Variants in MAGI1 observed in about 807,000 individuals in gnomAD.
The protein encoded by MAGI1 is membrane associated guanylate kinase, WW and PDZ domain containing 1, also known as membrane-associated guanylate kinase, WW and PDZ domain-containing protein 1.
In MAGI1, 58 loss-of-function variants were observed where a neutral mutation model predicts 139.9. The observed-to-expected ratio is 0.41, with a 90% CI of 0.34 to 0.52. The LOEUF is 0.52. Among genes scored for constraint, MAGI1 ranks in the 20% least tolerant of loss-of-function variants. The probability of loss-of-function intolerance (pLI) is 0.12; values close to 1 mark genes in which losing one functional copy is unlikely to be tolerated. For missense variants in MAGI1, 1,874 were observed against 1,901.6 expected (o/e 0.99, Z 0.27); for synonymous variants, 812 against 737.9 (o/e 1.10, Z -1.63).
intron 1 of MAGI1, among the ~76,000 whole-genome samples, chr3:65,663,452 C>T (rs1200535832): frequency 6.6e-6 from 1 of 152,098 alleles, no homozygotes; most frequent in Non-Finnish European, 1.5e-5. Flanking sequence ...TGAAATATAG[C>T]ACAATTAACA....
chr3:65,864,648 A>G (rs894920394), intron 1 of MAGI1, among the ~76,000 whole-genome samples: 2 of 152,192 alleles, frequency 1.3e-5, no homozygotes, highest in African/African-American at 4.8e-5. Context: ...TACAGAGAGG[A>G]GAAGGTGAAG....
intron 1 of MAGI1, among the ~76,000 whole-genome samples, chr3:65,648,917 G>A (rs1425030626): frequency 6.6e-6 from 1 of 152,064 alleles, no homozygotes; most frequent in African/African-American, 2.4e-5. Flanking sequence ...ATGCCCAACT[G>A]ATTTTTCATG....
At chr3:65,926,353 C>CTA (rs2062511837) in intron 1 of MAGI1, among the ~76,000 whole-genome samples, 1 of 151,300 alleles carries the variant, frequency 6.6e-6, no homozygotes, top group Non-Finnish European at 1.5e-5. Flanking sequence ...CTCTCTCTCT[C>CTA]TCTCTCTCTC....
At chr3:65,656,562 C>T (rs1247376820) in intron 1 of MAGI1, among the ~76,000 whole-genome samples, 4 of 150,578 alleles carry the variant, frequency 2.7e-5, no homozygotes, top group African/African-American at 9.7e-5. Flanking sequence ...GGAAAAAGAA[C>T]ACTTGAAAAT....
chr3:65,404,995 G>T (rs896020477), intron 12 of MAGI1, among the ~76,000 whole-genome samples: 4 of 152,122 alleles, frequency 2.6e-5, no homozygotes, highest in African/African-American at 9.7e-5. Flanking sequence ...TGTCTTAATG[G>T]GCTTGTCTGG....
intron 1 of MAGI1, among the ~76,000 whole-genome samples, chr3:65,883,121 G>A (rs144994860): frequency 6.6e-6 from 1 of 152,152 alleles, no homozygotes; most frequent in East Asian, 1.9e-4. Flanking sequence ...CGTGGCTCAA[G>A]CTGTAGTAAA....
chr3:65,801,613 C>T (rs1434579489), intron 1 of MAGI1, among the ~76,000 whole-genome samples: 2 of 152,170 alleles, frequency 1.3e-5, no homozygotes, highest in South Asian at 2.1e-4. Context: ...TTTCTAACAG[C>T]TCCTCGACCA....
chr3:65,551,075 T>G (rs947166391), intron 2 of MAGI1, among the ~76,000 whole-genome samples: 11 of 152,170 alleles, frequency 7.2e-5, no homozygotes, highest in African/African-American at 2.2e-4. Flanking sequence ...TCCCCATGTG[T>G]GGAGGGAGAC....
intron 6 of MAGI1, among the ~76,000 whole-genome samples, chr3:65,448,447 C>T (rs572582866): frequency 2.0e-5 from 3 of 152,148 alleles, no homozygotes; most frequent in African/African-American, 7.2e-5. Context: ...TTCAATAATC[C>T]TCTAATCAGT....
chr3:65,868,076 G>T (rs1356034837), intron 1 of MAGI1, among the ~76,000 whole-genome samples: 1 of 152,132 alleles, frequency 6.6e-6, no homozygotes, highest in Non-Finnish European at 1.5e-5. Context: ...GTTCTGGAAA[G>T]TTGGCCCTGT....
chr3:65,966,562 G>A (rs946857231), intron 1 of MAGI1, among the ~76,000 whole-genome samples: 3 of 152,056 alleles, frequency 2.0e-5, no homozygotes, highest in Non-Finnish European at 4.4e-5. Flanking sequence ...AGGTCGCAGT[G>A]GACTATGATG....
intron 1 of MAGI1, among the ~76,000 whole-genome samples, chr3:65,737,081 T>C (rs1382617613): frequency 2.6e-5 from 4 of 152,192 alleles, no homozygotes; most frequent in Non-Finnish European, 4.4e-5. Flanking sequence ...CTCGGCTCAC[T>C]ACAAGCTCCA....
chr3:65,752,927 C>G (rs2036268915), intron 1 of MAGI1, among the ~76,000 whole-genome samples: 1 of 152,168 alleles, frequency 6.6e-6, no homozygotes. Context: ...CTCCCTTGCT[C>G]ATTAGCTATA....
At chr3:65,985,420 G>C (rs528613865) in intron 1 of MAGI1, among the ~76,000 whole-genome samples, 1 of 152,268 alleles carries the variant, frequency 6.6e-6, no homozygotes, top group Non-Finnish European at 1.5e-5. Flanking sequence ...GTTAGAATTA[G>C]TTGGTATACA....
At chr3:65,745,565 G>A (rs1370979104) in intron 1 of MAGI1, among the ~76,000 whole-genome samples, 1 of 152,208 alleles carries the variant, frequency 6.6e-6, no homozygotes, top group African/African-American at 2.4e-5. Context: ...AGGAAACCAG[G>A]CAGAACCAAA....
chr3:65,757,026 A>G lies in MAGI1; in HGVS notation c.314-134938T>C, dbSNP rs116688980. Among the ~76,000 whole-genome samples the G allele has an allele frequency of 6.2e-3, 939 of 152,344 alleles. 4 individuals carry two copies. Among genetic ancestry groups the G allele is most frequent in the Middle Eastern group, 0.017 (5 of 294 alleles). On this transcript the variant is annotated intron_variant, in intron 1 of 22. Coordinates refer to ENST00000402939, the MANE Select transcript of MAGI1 (RefSeq NM_001033057.2). Reference sequence around the variant, plus strand: ...GACACTTAAGAAAACATACTGCAGAATCTCATAATCTATCACAGCTTTGGG... The same window carrying G: ...GACACTTAAGAAAACATACTGCAGAGTCTCATAATCTATCACAGCTTTGGG...
At chr3:65,419,426 T>C (rs1946486194) in intron 12 of MAGI1, among the ~76,000 whole-genome samples, 2 of 152,180 alleles carry the variant, frequency 1.3e-5, no homozygotes, top group Non-Finnish European at 2.9e-5. Flanking sequence ...ACACTGGGTG[T>C]AGCCCAATAC....
chr3:65,985,119 G>A (rs1377076917), intron 1 of MAGI1, among the ~76,000 whole-genome samples: 4 of 152,130 alleles, frequency 2.6e-5, no homozygotes, highest in Non-Finnish European at 5.9e-5. Flanking sequence ...TTACTCTCTT[G>A]ATTTCTGTGA....
At chr3:65,539,356 C>T (rs1431783915) in intron 2 of MAGI1, among the ~76,000 whole-genome samples, 1 of 152,074 alleles carries the variant, frequency 6.6e-6, no homozygotes, top group African/African-American at 2.4e-5. Context: ...AACACACATA[C>T]CAACTACTGT....
Sources: gnomAD v4.1 joint callset for allele counts (sites outside exome capture counted in the v4.1 genomes callset) on GRCh38, gnomAD v4.1.1 for gene constraint, MANE v1.5 for transcripts, NCBI Gene and HGNC (gene_info 2026-07-23, HGNC 2026-07-21) for gene names.